Variants in DLG2 observed in about 807,000 individuals in gnomAD.
DLG2 encodes discs large MAGUK scaffold protein 2.
A neutral mutation model predicts 132.5 loss-of-function variants in DLG2; 45 were observed. That is an observed-to-expected ratio of 0.34 (90% CI 0.27 to 0.44). DLG2 has a LOEUF of 0.44. Among genes scored for constraint, DLG2 ranks in the 20% least tolerant of loss-of-function variants. The pLI is 1.00. For synonymous variants in DLG2, 424 were observed against 419.6 expected (o/e 1.01, Z -0.13); for missense variants, 1,045 against 1,196.9 (o/e 0.87, Z 1.87).
chr11:83,637,981 T>G (rs535147377), intron 18 of DLG2, among the ~76,000 whole-genome samples: 1 of 152,332 alleles, frequency 6.6e-6, no homozygotes, highest in Admixed American at 6.5e-5. Flanking sequence ...TGCAGCATTT[T>G]CTTCTGTCTT....
At chr11:84,857,706 T>C (rs1396792686) in intron 6 of DLG2, among the ~76,000 whole-genome samples, 1 of 152,102 alleles carries the variant, frequency 6.6e-6, no homozygotes, top group African/African-American at 2.4e-5. Flanking sequence ...TCCAGAATTA[T>C]ACTCATCTCA....
intron 8 of DLG2, among the ~76,000 whole-genome samples, chr11:84,236,934 T>TG (rs1040859141): frequency 4.4e-5 from 6 of 136,554 alleles, no homozygotes; most frequent in Admixed American, 7.2e-5. Flanking sequence ...TTTTTTTTTT[T>TG]GTTTTTTTTT....
chr11:84,486,938 G>A (rs1347111403), intron 7 of DLG2, among the ~76,000 whole-genome samples: 1 of 152,064 alleles, frequency 6.6e-6, no homozygotes, highest in Non-Finnish European at 1.5e-5. Context: ...CTAGAAGGAG[G>A]ATATAGATTC....
chr11:84,602,536 C>T (rs2099578504), intron 6 of DLG2, among the ~76,000 whole-genome samples: 1 of 151,948 alleles, frequency 6.6e-6, no homozygotes, highest in Non-Finnish European at 1.5e-5. Context: ...CACTATGATT[C>T]TATTTTCAAT....
At chr11:83,484,262 G>C (rs1435867718) in intron 21 of DLG2, 34 bp from the exon 22 acceptor site, 1 of 1,488,846 alleles carries the variant, frequency 6.7e-7, no homozygotes, top group South Asian at 1.1e-5. Flanking sequence ...GCAAAAACAG[G>C]GGACGTCTAA....
In DLG2 at chr11:84,315,703, C is replaced by G. The variant is rs1266798518; in HGVS notation, c.520-64412G>C. ...ATCAGGAGGCTGAGATGCTCTATCT[C>G]TCTAAGCAAAGCTTATAATTCCATG... On this transcript the variant is annotated intron_variant, in intron 7 of 27. Coordinates refer to ENST00000376104, the MANE Select transcript of DLG2 (RefSeq NM_001142699.3). Among the ~76,000 whole-genome samples the G allele has an allele frequency of 2.0e-5, 3 of 152,140 alleles. No homozygotes were observed. The East Asian group carries it at 5.8e-4, about 29-fold the overall frequency.
intron 3 of DLG2, among the ~76,000 whole-genome samples, chr11:85,331,812 G>T (rs188945238): frequency 7.2e-5 from 11 of 152,226 alleles, no homozygotes; most frequent in African/African-American, 2.6e-4. Flanking sequence ...TTCTTTTATG[G>T]CTGCATAGTA....
At chr11:83,515,879 G>C (rs1183943131) in intron 21 of DLG2, among the ~76,000 whole-genome samples, 1 of 152,166 alleles carries the variant, frequency 6.6e-6, no homozygotes, top group East Asian at 1.9e-4. Context: ...ATTGCACTGT[G>C]GTCTGAGGGA....
chr11:84,965,206 A>T (rs1361410064), intron 6 of DLG2, among the ~76,000 whole-genome samples: 2 of 152,130 alleles, frequency 1.3e-5, no homozygotes, highest in Non-Finnish European at 2.9e-5. Context: ...GCCAAATTTT[A>T]TCCAACACAG....
chr11:85,484,544 C>T (rs2093382404), intron 3 of DLG2, among the ~76,000 whole-genome samples: 1 of 151,588 alleles, frequency 6.6e-6, no homozygotes, highest in Non-Finnish European at 1.5e-5. Context: ...GGGCGAAGGA[C>T]ATCAACAGAC....
intron 16 of DLG2, among the ~76,000 whole-genome samples, chr11:83,850,342 A>G (rs1174132126): frequency 1.3e-5 from 2 of 151,952 alleles, no homozygotes; most frequent in Non-Finnish European, 2.9e-5. Flanking sequence ...TTTAGTAGAG[A>G]TGGGGTTTCA....
intron 19 of DLG2, among the ~76,000 whole-genome samples, chr11:83,629,600 T>C (rs1218511286): frequency 6.6e-6 from 1 of 152,170 alleles, no homozygotes; most frequent in African/African-American, 2.4e-5. Flanking sequence ...TGGCTTCTCC[T>C]AGTAGCATTT....
intron 18 of DLG2, among the ~76,000 whole-genome samples, chr11:83,767,530 A>G (rs1274480851): frequency 6.6e-6 from 1 of 152,226 alleles, no homozygotes; most frequent in East Asian, 1.9e-4. Flanking sequence ...GATGGTCAAG[A>G]GCAGGGAGGC....
At chr11:84,586,266 TA>T (rs2099529730) in intron 6 of DLG2, among the ~76,000 whole-genome samples, 2 of 152,280 alleles carry the variant, frequency 1.3e-5, no homozygotes, top group East Asian at 3.9e-4. Context: ...TAAATATGCA[TA>T]AATTTACAAT....
At chr11:83,730,709 A>G (rs764760288) in intron 18 of DLG2, among the ~76,000 whole-genome samples, 3 of 152,184 alleles carry the variant, frequency 2.0e-5, no homozygotes, top group Non-Finnish European at 4.4e-5. Flanking sequence ...CTGTGCCTGA[A>G]GAGACTCAAA....
chr11:84,152,831 G>A (rs999980885), intron 9 of DLG2, among the ~76,000 whole-genome samples: 1 of 151,970 alleles, frequency 6.6e-6, no homozygotes, highest in Non-Finnish European at 1.5e-5. Flanking sequence ...ATTTTAAGTG[G>A]GGCATTTAGG....
intron 15 of DLG2, among the ~76,000 whole-genome samples, chr11:83,927,587 T>G (rs2079210302): frequency 6.6e-6 from 1 of 151,460 alleles, no homozygotes; most frequent in African/African-American, 2.4e-5. Flanking sequence ...AAGGGAAGAG[T>G]GAAATGAGGT....
At chr11:83,752,959 G>C (rs2093396533) in intron 18 of DLG2, among the ~76,000 whole-genome samples, 1 of 152,206 alleles carries the variant, frequency 6.6e-6, no homozygotes, top group South Asian at 2.1e-4. Context: ...AGAATGAGGA[G>C]AGTGTTGCTG....
At chr11:84,055,632 A>T (rs1224666975) in intron 11 of DLG2, among the ~76,000 whole-genome samples, 1 of 151,950 alleles carries the variant, frequency 6.6e-6, no homozygotes, top group Non-Finnish European at 1.5e-5. Context: ...TGCTCTCGAG[A>T]CCCCATTCTT....
Sources: allele counts gnomAD v4.1 joint callset (sites outside exome capture counted in the v4.1 genomes callset), GRCh38; gene constraint gnomAD v4.1.1; transcripts MANE v1.5; gene names NCBI Gene and HGNC (gene_info 2026-07-23, HGNC 2026-07-21).